ETNK1: variants seen among roughly 807,000 people sequenced by gnomAD.
ETNK1 encodes the protein ethanolamine kinase 1.
Under a neutral mutation model 45.1 loss-of-function variants are expected in ETNK1, and 8 were observed. The ratio of observed to expected loss-of-function variants is 0.18; its 90% CI spans 0.10 to 0.32. The LOEUF (loss-of-function observed/expected upper bound fraction) is 0.32. ETNK1 is among the 10% of genes least tolerant of loss of function. The probability of loss-of-function intolerance (pLI) is 1.00; values close to 1 mark genes in which losing one functional copy is unlikely to be tolerated. For synonymous variants in ETNK1, 152 were observed against 151.9 expected, an observed-to-expected ratio of 1.00 and a Z score of -0.01; for missense variants, 302 against 430.6, an observed-to-expected ratio of 0.70 and a Z score of 2.64.
At chr12:22,671,469 G>C (rs928918133) in intron 5 of ETNK1, 114 bp downstream of exon 5, 1 of 747,392 alleles carries the variant, frequency 1.3e-6, no homozygotes, top group African/African-American at 1.8e-5. Flanking sequence ...ACGTGTTGTT[G>C]ACCGTTTTTC....
chr12:22,634,458 T>C (rs901950766), intron 1 of ETNK1, among the ~76,000 whole-genome samples: 1 of 152,336 alleles, frequency 6.6e-6, no homozygotes, highest in Non-Finnish European at 1.5e-5. Context: ...TTCTTCTTTT[T>C]CTATTTTTGG....
chr12:22,686,911 A>G lies in ETNK1; in HGVS notation c.*1957A>G, dbSNP rs1019316522. On this transcript the variant is annotated 3_prime_UTR_variant, in exon 8 of 8. Coordinates refer to ENST00000266517, the MANE Select transcript of ETNK1 (RefSeq NM_018638.5). ...TGCCTTCTAAAGTGCAACAGTATAT[A>G]TCTTGTAGAACTGTGGGAGGAGAGA... The G allele has an allele frequency of 2.6e-5, 3 of 115,614 alleles. No homozygotes were observed. Among genetic ancestry groups the G allele is most frequent in the Middle Eastern group, 0.01 (1 of 96 alleles). The allele number at this position is 115,614 out of a possible 1,614,324, so 7.2% of individuals were successfully genotyped here. A position where few individuals can be genotyped will look rare whatever the true frequency, so the allele number is the denominator to read the frequency against.
chr12:22,676,530 G>T (rs1327855370), intron 6 of ETNK1, among the ~76,000 whole-genome samples: 1 of 152,004 alleles, frequency 6.6e-6, no homozygotes, highest in Admixed American at 6.6e-5. Flanking sequence ...ACCCAGTAAT[G>T]GGATTCCTGG....
At chr12:22,650,931 T>C (rs1953866986) in intron 2 of ETNK1, among the ~76,000 whole-genome samples, 1 of 152,188 alleles carries the variant, frequency 6.6e-6, no homozygotes, top group Non-Finnish European at 1.5e-5. Context: ...CTACATAAAA[T>C]TTACCATTGA....
chr12:22,627,460 T>G (rs1953517259), intron 1 of ETNK1, among the ~76,000 whole-genome samples: 1 of 152,140 alleles, frequency 6.6e-6, no homozygotes, highest in Non-Finnish European at 1.5e-5. Flanking sequence ...CAAGCAAAGC[T>G]TTGGTCTAGA....
intron 2 of ETNK1, among the ~76,000 whole-genome samples, chr12:22,645,858 A>G (rs1194948114): frequency 1.3e-5 from 2 of 151,782 alleles, no homozygotes; most frequent in Non-Finnish European, 3.0e-5. Context: ...ACTTCTTTTC[A>G]TCACCCCCCT....
intron 4 of ETNK1, among the ~76,000 whole-genome samples, chr12:22,669,908 A>G (rs1288971256): frequency 2.6e-5 from 4 of 152,086 alleles, no homozygotes; most frequent in South Asian, 2.1e-4. Context: ...TTATAATAAT[A>G]CACATTACAT....
At chr12:22,630,264 C>T (rs1953558197) in intron 1 of ETNK1, among the ~76,000 whole-genome samples, 1 of 152,226 alleles carries the variant, frequency 6.6e-6, no homozygotes, top group Non-Finnish European at 1.5e-5. Flanking sequence ...TTCCACCTCT[C>T]ATTTCCAATT....
chr12:22,669,445 G>T, intron 4 of ETNK1, among the ~76,000 whole-genome samples: 1 of 151,000 alleles, frequency 6.6e-6, no homozygotes, highest in East Asian at 1.9e-4. Context: ...TTCTCTGTAG[G>T]CATATTTTAA....
intron 2 of ETNK1, among the ~76,000 whole-genome samples, chr12:22,651,682 CTTTT>C (rs35611431): frequency 3.5e-4 from 46 of 131,028 alleles, no homozygotes; most frequent in South Asian, 9.9e-4. Flanking sequence ...AATTCTATCC[CTTTT>C]TTTTTTTTTT....
chr12:22,675,124 A>G (rs1954147359), intron 6 of ETNK1, among the ~76,000 whole-genome samples: 1 of 152,220 alleles, frequency 6.6e-6, no homozygotes, highest in South Asian at 2.1e-4. Flanking sequence ...CCTGGAGTAT[A>G]GTGATGTGAT....
intron 6 of ETNK1, among the ~76,000 whole-genome samples, chr12:22,678,023 C>T (rs1592137065): frequency 6.6e-6 from 1 of 152,154 alleles, no homozygotes; most frequent in Non-Finnish European, 1.5e-5. Flanking sequence ...TCACAACTTT[C>T]TTGCATCAGG....
Position 22,685,535 on chromosome 12 carries a change from A to C in ETNK1, c.*581A>C, listed in dbSNP as rs1344392241. On this transcript the variant is annotated 3_prime_UTR_variant, in exon 8 of 8. Coordinates refer to ENST00000266517, the MANE Select transcript of ETNK1 (RefSeq NM_018638.5). ...CATTCACTGTCTCTGTTGGTGGTACATCTTGTTGAATTCAATATTAGAAAG... is the reference window on the plus strand; with the variant it reads ...CATTCACTGTCTCTGTTGGTGGTACCTCTTGTTGAATTCAATATTAGAAAG... 6.6e-6 allele frequency: 1 copy of C among 151,854 alleles called. No individual in the cohort carries two copies. Among genetic ancestry groups the C allele is most frequent in the African/African-American group, 2.4e-5 (1 of 41,410 alleles). The allele number at this position is 151,854 out of a possible 1,614,324, so 9.4% of individuals were successfully genotyped here.
At chr12:22,644,512 C>T (rs1027534744) in intron 2 of ETNK1, 1 of 510,826 alleles carries the variant, frequency 2.0e-6, no homozygotes, top group Non-Finnish European at 2.8e-6. Flanking sequence ...CCAAAATTGC[C>T]AGCTTTAAAA....
At chr12:22,632,569 A>G (rs1447134415) in intron 1 of ETNK1, among the ~76,000 whole-genome samples, 1 of 151,686 alleles carries the variant, frequency 6.6e-6, no homozygotes, top group Non-Finnish European at 1.5e-5. Context: ...GAGTGCAGTG[A>G]TGCTATCATA....
chr12:22,660,539 A>T (rs1168206929), intron 3 of ETNK1, among the ~76,000 whole-genome samples: 2 of 152,188 alleles, frequency 1.3e-5, no homozygotes, highest in Admixed American at 6.5e-5. Flanking sequence ...TAACTGGATT[A>T]TATAAGGATA....
Position 22,650,557 on chromosome 12 carries a change from CTG to C in ETNK1, c.416+6537_416+6538del, listed in dbSNP as rs772461301. 5.3e-5 allele frequency among the ~76,000 whole-genome samples: 8 copies of C among 151,886 alleles called. No homozygotes were observed. The East Asian group carries it at 1.2e-3, about 22-fold the overall frequency. On this transcript the variant is annotated intron_variant, in intron 2 of 7. Transcript: ENST00000266517. ...GTTCATGTGATTTTTCTTTTTTAGT[CTG>C]TTAATGTATTGGATTACATTAATGA...
chr12:22,688,523 CATAAT>C lies in ETNK1; in HGVS notation c.*3574_*3578del, dbSNP rs565300918. On this transcript the variant is annotated 3_prime_UTR_variant, in exon 8 of 8. Transcript: ENST00000266517. ...GTACCATTTTACGAATTTCTGTCTT[CATAAT>C]ATAAGTGAAAATACTGTCATTTCAA... 7.8e-4 allele frequency: 119 copies of C among 152,392 alleles called. No homozygotes were observed. Among genetic ancestry groups the C allele is most frequent in the African/African-American group, 2.8e-3 (116 of 41,540 alleles). 9.4% of individuals were successfully genotyped at this position (152,392 alleles called of 1,614,324 possible). A position where few individuals can be genotyped will look rare whatever the true frequency, so the allele number is the denominator to read the frequency against.
intron 2 of ETNK1, among the ~76,000 whole-genome samples, chr12:22,650,162 TA>T (rs908630372): frequency 6.6e-6 from 1 of 152,070 alleles, no homozygotes; most frequent in African/African-American, 2.4e-5. Context: ...AAGCTTGCTA[TA>T]ATTGCTCATT....
Sources: allele counts gnomAD v4.1 joint callset (sites outside exome capture counted in the v4.1 genomes callset), GRCh38; gene constraint gnomAD v4.1.1; transcripts MANE v1.5; gene names NCBI Gene and HGNC (gene_info 2026-07-23, HGNC 2026-07-21).